The following DCPH1 variants were observed in gnomAD, a reference collection of about 807,000 sequenced individuals.
DCPH1 encodes the protein damage control phosphatase 1, also known as damage-control phosphatase 1.
the DCPH1 span, among the ~76,000 whole-genome samples, chr6:151,456,906 TATGCCCGTA>T: frequency 6.6e-6 from 1 of 152,228 alleles, no homozygotes; most frequent in East Asian, 1.9e-4. Flanking sequence ...ACTTGGCCTG[TATGCCCGTA>T]ATCACCAGGT....
At chr6:151,457,124 GC>G in the DCPH1 span, among the ~76,000 whole-genome samples, 1 of 152,108 alleles carries the variant, frequency 6.6e-6, no homozygotes, top group Non-Finnish European at 1.5e-5. Flanking sequence ...CTATAGCAGG[GC>G]CAGGCTTATC....
At chr6:151,458,354 T>C in the DCPH1 span, 19 of 1,612,592 alleles carry the variant, frequency 1.2e-5, no homozygotes, top group Non-Finnish European at 1.5e-5. Context: ...AAAAGAAAGC[T>C]ATCTCTCTCC....
At chr6:151,462,660 A>G in the DCPH1 span, among the ~76,000 whole-genome samples, 2 of 152,202 alleles carry the variant, frequency 1.3e-5, no homozygotes, top group African/African-American at 2.4e-5. Flanking sequence ...TTTGCTGAAC[A>G]TATGTATGAA....
At chr6:151,468,041 T>C in the DCPH1 span, among the ~76,000 whole-genome samples, 795 of 152,358 alleles carry the variant, frequency 5.2e-3, 9 homozygotes, top group African/African-American at 0.016. Context: ...GATGTTCTAA[T>C]ATCTGCAAGC....
At chr6:151,455,816 G>C in the DCPH1 span, among the ~76,000 whole-genome samples, 1 of 152,250 alleles carries the variant, frequency 6.6e-6, no homozygotes, top group Non-Finnish European at 1.5e-5. Context: ...CCATATTTCA[G>C]ACTATCACAT....
chr6:151,456,710 G>C, the DCPH1 span, among the ~76,000 whole-genome samples: 1 of 152,094 alleles, frequency 6.6e-6, no homozygotes, highest in African/African-American at 2.4e-5. Flanking sequence ...GAGTGCAGTG[G>C]TGCAGTCATA....
the DCPH1 span, chr6:151,454,772 A>G: frequency 1.8e-6 from 1 of 569,742 alleles, no homozygotes; most frequent in South Asian, 2.2e-5. Context: ...CCAAGTATTT[A>G]TTTGTTTTTA....
chr6:151,455,531 A>T, the DCPH1 span, among the ~76,000 whole-genome samples: 1 of 151,562 alleles, frequency 6.6e-6, no homozygotes, highest in Admixed American at 6.6e-5. Context: ...TTAGATATGC[A>T]TACACATAAA....
At chr6:151,464,625 GT>G in the DCPH1 span, 44 of 1,586,642 alleles carry the variant, frequency 2.8e-5, no homozygotes, top group Non-Finnish European at 3.4e-5. Flanking sequence ...GCAGGTAAAT[GT>G]GATCATTAAT....
At chr6:151,466,131 C>G in the DCPH1 span, among the ~76,000 whole-genome samples, 5 of 152,302 alleles carry the variant, frequency 3.3e-5, no homozygotes, top group East Asian at 9.7e-4. Context: ...GTTGGCCAGG[C>G]TGGTCTTGAA....
chr6:151,454,668 A>G, the DCPH1 span: 5 of 1,279,998 alleles, frequency 3.9e-6, no homozygotes, highest in African/African-American at 6.0e-5. Context: ...GAATTGTTTT[A>G]ACTTTTAATT....
chr6:151,461,059 C>A, the DCPH1 span, among the ~76,000 whole-genome samples: 4 of 152,176 alleles, frequency 2.6e-5, no homozygotes, highest in African/African-American at 9.6e-5. Flanking sequence ...GATTAGTGTC[C>A]TTATTCAGCC....
chr6:151,465,143 A>G, the DCPH1 span, among the ~76,000 whole-genome samples: 1 of 152,330 alleles, frequency 6.6e-6, no homozygotes, highest in South Asian at 2.1e-4. Context: ...GTAGGTGATA[A>G]TACTCGGGTA....
the DCPH1 span, chr6:151,452,691 A>T: frequency 8.2e-7 from 1 of 1,217,406 alleles, no homozygotes; most frequent in African/African-American, 1.6e-5. Flanking sequence ...GCTGCGTTCG[A>T]GTCCCGCCGC....
chr6:151,469,310 T>C, the DCPH1 span: 1 of 424,256 alleles, frequency 2.4e-6, no homozygotes, highest in Non-Finnish European at 4.1e-6. Context: ...GATAGCTGGG[T>C]TAAGCAAGTT....
chr6:151,456,573 GTA>G, the DCPH1 span, among the ~76,000 whole-genome samples: 1 of 152,180 alleles, frequency 6.6e-6, no homozygotes, highest in East Asian at 1.9e-4. Context: ...TATCACACAA[GTA>G]TAATTTAGCC....
At chr6:151,468,913 A>G in the DCPH1 span, 1 of 1,614,090 alleles carries the variant, frequency 6.2e-7, no homozygotes, top group Non-Finnish European at 8.5e-7. Flanking sequence ...GACAGGTGAC[A>G]GAAAATGGGA....
At chr6:151,468,475 T>A in the DCPH1 span, 1 of 1,613,622 alleles carries the variant, frequency 6.2e-7, no homozygotes, top group Non-Finnish European at 8.5e-7. Context: ...ACATCTTTGG[T>A]CATTGCTTAG....
chr6:151,460,173 G>A, the DCPH1 span, among the ~76,000 whole-genome samples: 1 of 152,110 alleles, frequency 6.6e-6, no homozygotes, highest in East Asian at 2.0e-4. Context: ...TCTGCCTTCC[G>A]GGTTCAAGCA....
Sources: allele counts gnomAD v4.1 joint callset (sites outside exome capture counted in the v4.1 genomes callset), GRCh38; gene constraint gnomAD v4.1.1; transcripts MANE v1.5; gene names NCBI Gene and HGNC (gene_info 2026-07-23, HGNC 2026-07-21).